RANBP2: variants seen among roughly 807,000 people sequenced by gnomAD.
The protein encoded by RANBP2 is RAN binding protein 2.
Under a neutral mutation model 303.6 loss-of-function variants are expected in RANBP2, and 57 were observed. That is an observed-to-expected ratio of 0.19 (90% confidence interval 0.15 to 0.23). The LOEUF (loss-of-function observed/expected upper bound fraction) is 0.23, where lower values mean the gene tolerates loss of function less well. Ranked by LOEUF, RANBP2 falls within the 10% of genes least tolerant of loss-of-function variation. The pLI is 1.00. For missense variants in RANBP2, 3,138 were observed against 3,780.8 expected (o/e 0.83, Z 4.46); for synonymous variants, 1,167 against 1,301.5 (o/e 0.90, Z 2.23).
At chr2:109,200,714 A>G in the RANBP2 span, among the ~76,000 whole-genome samples, 1 of 152,116 alleles carries the variant, frequency 6.6e-6, no homozygotes, top group South Asian at 2.1e-4. Context: ...TCACCTGCTC[A>G]CAGGCTCTAT....
chr2:109,580,205 T>C, the RANBP2 span, among the ~76,000 whole-genome samples: 3 of 151,440 alleles, frequency 2.0e-5, no homozygotes, highest in Non-Finnish European at 4.4e-5. Flanking sequence ...AAGAAAAATA[T>C]AGCATAATAT....
the RANBP2 span, among the ~76,000 whole-genome samples, chr2:109,184,830 C>T: frequency 1.4e-3 from 212 of 152,312 alleles, no homozygotes; most frequent in African/African-American, 4.7e-3. Context: ...GAGGCAGTTA[C>T]GTGGTTGTCC....
In RANBP2 at chr2:108,719,606, G is replaced by C. The variant is rs188927186; in HGVS notation, c.-1G>C. On this transcript the variant is annotated 5_prime_UTR_variant, in exon 1 of 29. Coordinates refer to ENST00000283195, the MANE Select transcript of RANBP2 (RefSeq NM_006267.5). ...GCCTCGGGAGCCAGGTTGGCGGCGC[G>C]ATGAGGCGCAGCAAGGCTGACGTGG... The C allele has an allele frequency of 1.1e-5, 18 of 1,604,050 alleles. No homozygotes were observed. The highest frequency in any genetic ancestry group is 8.5e-5 in the Admixed American group (5 of 58,740).
the RANBP2 span, among the ~76,000 whole-genome samples, chr2:109,316,672 G>A: frequency 6.6e-6 from 1 of 152,198 alleles, no homozygotes; most frequent in South Asian, 2.1e-4. Flanking sequence ...CCAGAGTGGT[G>A]TCACATTAGG....
chr2:109,622,872 A>G, the RANBP2 span, among the ~76,000 whole-genome samples: 4 of 152,212 alleles, frequency 2.6e-5, no homozygotes, highest in Non-Finnish European at 4.4e-5. Context: ...TCATGCCTGT[A>G]ATCCCAGCAA....
intron 17 of RANBP2, among the ~76,000 whole-genome samples, chr2:108,758,151 G>A (rs187079462): frequency 2.9e-4 from 44 of 152,136 alleles, no homozygotes; most frequent in African/African-American, 9.2e-4. Flanking sequence ...CAAAAAATTA[G>A]CCAGGCGTGC....
the RANBP2 span, among the ~76,000 whole-genome samples, chr2:109,219,663 G>A: frequency 3.3e-5 from 5 of 152,200 alleles, no homozygotes; most frequent in Non-Finnish European, 7.4e-5. Context: ...TGAACAATCC[G>A]AAAAGGAAAT....
the RANBP2 span, among the ~76,000 whole-genome samples, chr2:109,675,700 C>A: frequency 1.3e-5 from 2 of 152,224 alleles, no homozygotes; most frequent in Admixed American, 1.3e-4. Context: ...AAGAAAAAAG[C>A]AAAAGACAAA....
the RANBP2 span, among the ~76,000 whole-genome samples, chr2:109,642,500 A>G: frequency 2.0e-5 from 3 of 152,114 alleles, no homozygotes; most frequent in Non-Finnish European, 4.4e-5. Flanking sequence ...CTGTAATCCC[A>G]GCACTTTGGG....
the RANBP2 span, among the ~76,000 whole-genome samples, chr2:109,367,474 G>A: frequency 6.6e-6 from 1 of 151,764 alleles, no homozygotes; most frequent in East Asian, 1.9e-4. Context: ...TAGAAACGGG[G>A]TTTCACCATG....
At chr2:108,791,573 A>C in the RANBP2 span, 2 of 1,381,806 alleles carry the variant, frequency 1.4e-6, no homozygotes, top group African/African-American at 2.9e-5. Flanking sequence ...ATGTTTTTAC[A>C]TTTTTTCTCA....
the RANBP2 span, among the ~76,000 whole-genome samples, chr2:109,714,966 GGGGGGT>G: frequency 3.6e-5 from 5 of 140,444 alleles, no homozygotes; most frequent in Admixed American, 1.4e-4. Flanking sequence ...GTTTTTTTTG[GGGGGGT>G]GGGGGTGGGG....
the RANBP2 span, among the ~76,000 whole-genome samples, chr2:109,038,183 AGAAG>A: frequency 2.6e-5 from 4 of 152,242 alleles, no homozygotes; most frequent in African/African-American, 9.6e-5. Context: ...AATTCAATAG[AGAAG>A]GATAGCCTTT....
chr2:109,121,544 G>A, the RANBP2 span, among the ~76,000 whole-genome samples: 4 of 152,306 alleles, frequency 2.6e-5, no homozygotes, highest in East Asian at 7.7e-4. Flanking sequence ...CAACATTTGT[G>A]TAGCACTAAA....
chr2:109,003,131 G>A, the RANBP2 span, among the ~76,000 whole-genome samples: 49 of 150,988 alleles, frequency 3.2e-4, no homozygotes, highest in African/African-American at 1.0e-3. Context: ...GCTTGAACTC[G>A]GGAGGTGGAG....
the RANBP2 span, among the ~76,000 whole-genome samples, chr2:108,870,648 C>G: frequency 6.6e-6 from 1 of 152,112 alleles, no homozygotes. Context: ...ATTATTCAGT[C>G]TAAGAAATGA....
At chr2:109,213,054 A>G in the RANBP2 span, among the ~76,000 whole-genome samples, 1 of 152,222 alleles carries the variant, frequency 6.6e-6, no homozygotes, top group Admixed American at 6.5e-5. Context: ...TGGAGGATGC[A>G]GTCCTGGGAA....
chr2:108,830,363 C>G, the RANBP2 span, among the ~76,000 whole-genome samples: 1 of 152,210 alleles, frequency 6.6e-6, no homozygotes, highest in Non-Finnish European at 1.5e-5. Context: ...TGTGATTACA[C>G]TTAATGCCAT....
the RANBP2 span, among the ~76,000 whole-genome samples, chr2:109,368,539 AC>A: frequency 6.6e-6 from 1 of 151,930 alleles, no homozygotes; most frequent in Admixed American, 6.6e-5. Context: ...AAAATTGGCA[AC>A]CTTCCTCAAA....
Sources: allele counts gnomAD v4.1 joint callset (sites outside exome capture counted in the v4.1 genomes callset), GRCh38; gene constraint gnomAD v4.1.1; transcripts MANE v1.5; gene names NCBI Gene and HGNC (gene_info 2026-07-23, HGNC 2026-07-21).